The following ANAPC1 variants were observed in gnomAD, a reference collection of about 807,000 sequenced individuals.
The protein encoded by ANAPC1 is anaphase promoting complex subunit 1, also known as anaphase-promoting complex subunit 1.
In ANAPC1, 36 loss-of-function variants were observed where a neutral mutation model predicts 208.0. The observed-to-expected ratio is 0.17, with a 90% CI of 0.13 to 0.23. ANAPC1 has a LOEUF of 0.23. Ranked by LOEUF, ANAPC1 falls within the 10% of genes least tolerant of loss-of-function variation. The probability of loss-of-function intolerance (pLI) is 1.00; values close to 1 mark genes in which losing one functional copy is unlikely to be tolerated. For synonymous variants in ANAPC1, 378 were observed against 695.2 expected (o/e 0.54, Z 7.18); for missense variants, 942 against 2,011.6 (o/e 0.47, Z 10.17).
chr2:111,844,493 C>T (rs1404282659), intron 16 of ANAPC1, among the ~76,000 whole-genome samples: 5 of 151,032 alleles, frequency 3.3e-5, no homozygotes, highest in South Asian at 4.2e-4. Context: ...CGCCTGAACC[C>T]GGGAGGCAGA....
chr2:111,824,117 T>C (rs985414042), intron 24 of ANAPC1, among the ~76,000 whole-genome samples: 2 of 150,816 alleles, frequency 1.3e-5, no homozygotes, highest in African/African-American at 4.9e-5. Flanking sequence ...TTTCCTTATA[T>C]GAGAATAACA....
At chr2:111,848,519 A>G (rs1250823015) in intron 14 of ANAPC1, among the ~76,000 whole-genome samples, 2 of 152,080 alleles carry the variant, frequency 1.3e-5, no homozygotes, top group African/African-American at 4.8e-5. Context: ...GCTCATGCCT[A>G]TAATCCCAGC....
At chr2:111,786,966 G>A (rs540529932) in intron 39 of ANAPC1, among the ~76,000 whole-genome samples, 26 of 151,762 alleles carry the variant, frequency 1.7e-4, no homozygotes, top group African/African-American at 6.0e-4. Context: ...GGCTAATACG[G>A]TGAAACCCCG....
chr2:111,878,991 A>C lies in ANAPC1; in HGVS notation c.214-20T>G. 6.3e-7 allele frequency: 1 copy of C among 1,597,420 alleles called. No homozygotes were observed. Among genetic ancestry groups the C allele is most frequent in the Non-Finnish European group, 8.5e-7 (1 of 1,174,238 alleles). On this transcript the variant is annotated intron_variant, in intron 2 of 47. Coordinates refer to ENST00000341068, the MANE Select transcript of ANAPC1 (RefSeq NM_022662.4). ...GCTTTCCTTAAAAATTAACACATGT[A>C]AAACATATTCAAGCACTCTTTTTTT...
In ANAPC1 at chr2:111,864,825, A is replaced by C. The variant is rs1366155895; in HGVS notation, c.812T>G (p.Leu271Arg). 7 of 1,611,354 alleles carry C rather than the reference A, an allele frequency of 4.3e-6. No individual in the cohort carries two copies. Among genetic ancestry groups the C allele is most frequent in the Non-Finnish European group, 5.9e-6 (7 of 1,179,676 alleles). Reference sequence around the variant, plus strand: ...CCTTACCTCTGATTTGACTCTCCGGAGAGTCCACACAGAATGCACATTTTG... The same window carrying C: ...CCTTACCTCTGATTTGACTCTCCGGCGAGTCCACACAGAATGCACATTTTG... ...AVQNVHSVWT[L>R]RRVKSEEENV... Residue 271 changes from leucine (L) to arginine (R), a missense_variant, in exon 8 of 48, where the codon CTC (leucine) becomes CGC (arginine). Leu to Arg is a moderately radical substitution (Grantham distance 102). Transcript: ENST00000341068.
At chr2:111,873,263 A>C (rs1682853259) in intron 5 of ANAPC1, 45 bp downstream of exon 5, 1 of 1,538,262 alleles carries the variant, frequency 6.5e-7, no homozygotes, top group Non-Finnish European at 8.8e-7. Flanking sequence ...TAATTCAAAA[A>C]TGTTCTCCAA....
Position 111,843,586 on chromosome 2 carries a change from C to T in ANAPC1, c.1866G>A (p.Leu622=). 1.2e-6 allele frequency: 2 copies of T among 1,611,404 alleles called. No homozygotes were observed. Among genetic ancestry groups the T allele is most frequent in the South Asian group, 2.2e-5 (2 of 90,886 alleles). ...TTGGCAGGATAAACTTAATTGCTTGCAAACACGTTTGTACTATTAAAAGCA... is the reference window on the plus strand; with the variant it reads ...TTGGCAGGATAAACTTAATTGCTTGTAAACACGTTTGTACTATTAAAAGCA... ...IATSELVQTC[L]QAIKFILPKE... Residue 622 remains leucine (L), a synonymous_variant, in exon 17 of 48, where the codon TTG becomes TTA. Coordinates refer to ENST00000341068, the MANE Select transcript of ANAPC1 (RefSeq NM_022662.4).
At chr2:111,870,505 T>C (rs1682687814) in intron 6 of ANAPC1, among the ~76,000 whole-genome samples, 1 of 152,216 alleles carries the variant, frequency 6.6e-6, no homozygotes, top group African/African-American at 2.4e-5. Context: ...TGGCCATTTG[T>C]GTATCTTCTT....
intron 44 of ANAPC1, chr2:111,779,371 T>G (rs1212137396): frequency 1.3e-5 from 2 of 149,848 alleles, no homozygotes; most frequent in African/African-American, 4.9e-5. Flanking sequence ...TAGTAAAGAT[T>G]CAATAAAAAA....
intron 45 of ANAPC1, 46 bp from the exon 46 acceptor site, chr2:111,777,103 C>G (rs1490988897): frequency 2.0e-6 from 1 of 494,762 alleles, no homozygotes; most frequent in Non-Finnish European, 3.7e-6. Context: ...AAAGAGTGCT[C>G]TGTCTCTTCA....
At chr2:111,866,842 G>C (rs1225939478) in intron 7 of ANAPC1, among the ~76,000 whole-genome samples, 1 of 149,032 alleles carries the variant, frequency 6.7e-6, no homozygotes, top group Non-Finnish European at 1.5e-5. Flanking sequence ...TTAATCCCAG[G>C]CTCTAGTATG....
chr2:111,767,832 C>T lies in ANAPC1; in HGVS notation c.*1459G>A, dbSNP rs1676518703. On this transcript the variant is annotated 3_prime_UTR_variant, in exon 48 of 48. Coordinates refer to ENST00000341068, the MANE Select transcript of ANAPC1 (RefSeq NM_022662.4). ...TGTGAAGAGAAGCACATTTCAGCCT[C>T]TCAGTCAGCCCCATCGTGCCTCTGC... 1 of 152,210 alleles carries T rather than the reference C, an allele frequency of 6.6e-6. No homozygotes were observed. The highest frequency in any genetic ancestry group is 1.5e-5 in the Non-Finnish European group (1 of 68,046). The allele number at this position is 152,210 out of a possible 1,614,324, so 9.4% of individuals were successfully genotyped here. A position where few individuals can be genotyped will look rare whatever the true frequency, so the allele number is the denominator to read the frequency against.
intron 1 of ANAPC1, among the ~76,000 whole-genome samples, chr2:111,881,201 TG>T (rs1683281427): frequency 6.6e-6 from 1 of 152,176 alleles, no homozygotes; most frequent in South Asian, 2.1e-4. Context: ...CATAACTACA[TG>T]GCTTTTCAAC....
chr2:111,794,569 A>G (rs1355724198), intron 35 of ANAPC1, among the ~76,000 whole-genome samples: 2 of 152,186 alleles, frequency 1.3e-5, no homozygotes, highest in Non-Finnish European at 2.9e-5. Flanking sequence ...AATTGTTGCC[A>G]ATTTCTTTAA....
intron 18 of ANAPC1, among the ~76,000 whole-genome samples, chr2:111,837,218 T>C (rs540437492): frequency 6.6e-6 from 1 of 152,238 alleles, no homozygotes; most frequent in Non-Finnish European, 1.5e-5. Context: ...TACCAAAGAT[T>C]ACATACTATA....
chr2:111,871,196 G>T (rs1411875669), intron 6 of ANAPC1, among the ~76,000 whole-genome samples: 1 of 151,868 alleles, frequency 6.6e-6, no homozygotes, highest in Non-Finnish European at 1.5e-5. Context: ...TTTTAGAATT[G>T]TTTTTTCTAA....
chr2:111,877,781 C>T (rs545534321), intron 3 of ANAPC1, among the ~76,000 whole-genome samples: 69 of 152,094 alleles, frequency 4.5e-4, no homozygotes, highest in Non-Finnish European at 6.8e-4. Flanking sequence ...AAGACTCCAT[C>T]TCAAAAAACA....
chr2:111,831,243 T>G, intron 21 of ANAPC1, 43 bp downstream of exon 21: 1 of 1,548,840 alleles, frequency 6.5e-7, no homozygotes, highest in Non-Finnish European at 8.7e-7. Flanking sequence ...AAACTAAATT[T>G]TAAAAGAAAA....
At chr2:111,840,372 G>A (rs1680697680) in intron 17 of ANAPC1, among the ~76,000 whole-genome samples, 1 of 152,160 alleles carries the variant, frequency 6.6e-6, no homozygotes, top group Non-Finnish European at 1.5e-5. Flanking sequence ...GATAACAAGG[G>A]TTTAACCATG....
Sources: gnomAD v4.1 joint callset for allele counts (sites outside exome capture counted in the v4.1 genomes callset) on GRCh38, gnomAD v4.1.1 for gene constraint, MANE v1.5 for transcripts, NCBI Gene and HGNC (gene_info 2026-07-23, HGNC 2026-07-21) for gene names.